The following HPR variants were observed in gnomAD, a reference collection of about 807,000 sequenced individuals.
HPR encodes Haptoglobin-related locus.
A neutral mutation model predicts 18.5 loss-of-function variants in HPR; 17 were observed. The observed-to-expected ratio is 0.92, with a 90% confidence interval of 0.63 to 1.38. HPR has a LOEUF of 1.38. Among genes scored for constraint, HPR ranks in the 40% most tolerant of loss-of-function variants. The pLI is 0.00. For synonymous variants in HPR, 176 were observed against 165.0 expected (o/e 1.07, Z -0.51); for missense variants, 457 against 432.4 (o/e 1.06, Z -0.51).
intron 1 of HPR, among the ~76,000 whole-genome samples, chr16:72,064,296 C>T (rs1458831090): frequency 1.3e-5 from 2 of 152,168 alleles, no homozygotes; most frequent in Non-Finnish European, 2.9e-5. Flanking sequence ...AATTCTTCTT[C>T]AAAAGTTTAG....
In HPR at chr16:72,075,852, A is replaced by G. The variant is rs1212662649; in HGVS notation, c.269-451A>G. Among the ~76,000 whole-genome samples, 6 of 140,830 alleles carry G rather than the reference A, an allele frequency of 4.3e-5. No individual in the cohort carries two copies. The Admixed American group carries it at 4.4e-4, about 10-fold the overall frequency. The allele number at this position is 140,830 out of a possible 152,430, so 92.4% of individuals were successfully genotyped here. A position where few individuals can be genotyped will look rare whatever the true frequency, so the allele number is the denominator to read the frequency against. ...TTCTTTCTTTTTTTTTTTTTTTGAG[A>G]CAGAGTTTTGCTCTCGTCGCCTAGG... On this transcript the variant is annotated intron_variant, in intron 4 of 4. Coordinates refer to ENST00000540303, the MANE Select transcript of HPR (RefSeq NM_020995.4).
Position 72,077,068 on chromosome 16 carries a change from T to C in HPR, c.1034T>C (p.Ile345Thr), listed in dbSNP as rs765146359. The C allele has an allele frequency of 1.2e-5, 19 of 1,611,970 alleles. No homozygotes were observed. Among genetic ancestry groups the C allele is most frequent in the Non-Finnish European group, 1.4e-5 (17 of 1,178,778 alleles). Residue 345 changes from isoleucine to threonine, a missense_variant, in exon 5 of 5, where the codon ATA (isoleucine) becomes ACA (threonine). Coordinates refer to ENST00000540303, the MANE Select transcript of HPR (RefSeq NM_020995.4). ...TSIQHWVQKT[I>T]AEN is the part of the protein sequence containing the mutation. Reference sequence around the variant, plus strand: ...ATCCAGCACTGGGTTCAGAAGACCATAGCTGAGAACTAATGCAAGGCTGGC... The same window carrying C: ...ATCCAGCACTGGGTTCAGAAGACCACAGCTGAGAACTAATGCAAGGCTGGC...
intron 4 of HPR, 54 bp downstream of exon 4, chr16:72,075,273 C>T (rs55658747): frequency 0.014 from 13,284 of 976,850 alleles, 135 homozygotes; most frequent in Middle Eastern, 0.02. Flanking sequence ...CAGCGGGGAA[C>T]GTCCTAGAGG....
intron 1 of HPR, among the ~76,000 whole-genome samples, chr16:72,066,410 T>C (rs1392080814): frequency 2.0e-5 from 3 of 152,198 alleles, no homozygotes; most frequent in South Asian, 4.1e-4. Flanking sequence ...AACACCCTCC[T>C]GGTCAAAACG....
chr16:72,074,417 C>T lies in HPR; in HGVS notation c.193+32C>T, dbSNP rs562923993. 2.6e-4 allele frequency: 390 copies of T among 1,511,212 alleles called. 4 individuals carry two copies. In the South Asian group the frequency reaches 4.0e-3, roughly 16 times the overall value. 93.6% of individuals were successfully genotyped at this position (1,511,212 alleles called of 1,614,324 possible). On this transcript the variant is annotated intron_variant, in intron 3 of 4. Coordinates refer to ENST00000540303, the MANE Select transcript of HPR (RefSeq NM_020995.4). ...CCTGGACAACTATCTCTGTGCTCTA[C>T]CTACAACCCCTGCTCTGACATTTCC...
intron 1 of HPR, among the ~76,000 whole-genome samples, chr16:72,071,597 G>A (rs1442002388): frequency 2.0e-5 from 3 of 152,148 alleles, no homozygotes; most frequent in Non-Finnish European, 4.4e-5. Flanking sequence ...AGAAAACTTG[G>A]TGTTCCTTGG....
chr16:72,073,096 T>C (rs1278822950), intron 1 of HPR, among the ~76,000 whole-genome samples: 1 of 152,178 alleles, frequency 6.6e-6, no homozygotes, highest in Admixed American at 6.5e-5. Context: ...CTTCCTGCCT[T>C]CCCAGCAGTG....
chr16:72,064,063 A>C (rs2041572068), intron 1 of HPR, among the ~76,000 whole-genome samples: 1 of 152,124 alleles, frequency 6.6e-6, no homozygotes, highest in Admixed American at 6.6e-5. Flanking sequence ...AATAGAAGCA[A>C]ATAGTGCCTG....
At position 72,076,914 on chromosome 16, in the gene HPR, T is replaced by C. The variant is rs1181342239; in HGVS notation, c.880T>C (p.Tyr294His). The C allele has an allele frequency of 5.6e-6, 9 of 1,614,224 alleles. No individual in the cohort carries two copies. The East Asian group carries it at 1.3e-4, about 24-fold the overall frequency. ...GMSKYQEDTC[Y>H]GDAGSAFAVH... ...GTCTAAGTACCAGGAAGACACCTGC[T>C]ATGGCGATGCGGGCAGTGCCTTTGC... Residue 294 changes from tyrosine to histidine, a missense_variant, in exon 5 of 5, where the codon TAT becomes CAT. By Grantham distance (83) the Tyr-to-His change is moderately conservative. Coordinates refer to ENST00000540303, the MANE Select transcript of HPR (RefSeq NM_020995.4).
intron 1 of HPR, among the ~76,000 whole-genome samples, chr16:72,069,745 C>A (rs1473420976): frequency 6.6e-6 from 1 of 152,150 alleles, no homozygotes; most frequent in Non-Finnish European, 1.5e-5. Context: ...AAGAAAACCG[C>A]CCCTTGGAGA....
chr16:72,063,517 T>G (rs1268187618), intron 1 of HPR, among the ~76,000 whole-genome samples: 1 of 152,132 alleles, frequency 6.6e-6, no homozygotes, highest in Non-Finnish European at 1.5e-5. Flanking sequence ...CTTTGTAGGG[T>G]ATGTCATCAG....
chr16:72,071,377 T>C (rs778005119), intron 1 of HPR, among the ~76,000 whole-genome samples: 7 of 152,168 alleles, frequency 4.6e-5, no homozygotes, highest in Admixed American at 1.3e-4. Context: ...GAGGCCCAGA[T>C]TGTCCCCTTT....
At chr16:72,069,595 C>A (rs977486453) in intron 1 of HPR, among the ~76,000 whole-genome samples, 2 of 152,124 alleles carry the variant, frequency 1.3e-5, no homozygotes, top group Non-Finnish European at 2.9e-5. Context: ...CTAGTCTCAA[C>A]TATATCTGAG....
At chr16:72,075,116 T>C (rs1190359208) in intron 3 of HPR, 29 bp from the exon 4 acceptor site, 1 of 810,892 alleles carries the variant, frequency 1.2e-6, no homozygotes, top group Non-Finnish European at 2.1e-6. Flanking sequence ...TGACTTTTCC[T>C]TTGGCTCATT....
chr16:72,074,010 C>T (rs2041687861), intron 2 of HPR, 33 bp downstream of exon 2: 6 of 1,613,052 alleles, frequency 3.7e-6, no homozygotes, highest in Non-Finnish European at 5.1e-6. Context: ...AGCATGCATC[C>T]CTGGCACTGC....
At chr16:72,074,834 A>G (rs1348580899) in intron 3 of HPR, 1 of 646,620 alleles carries the variant, frequency 1.5e-6, no homozygotes, top group Admixed American at 2.6e-5. Flanking sequence ...CGACAGGTTG[A>G]GTATCTTGCC....
At position 72,076,560 on chromosome 16, in the gene HPR, G is replaced by T; in HGVS notation, c.526G>T (p.Glu176Ter). The change falls in exon 5 of 5, where the codon GAG (glutamate) becomes TAG (stop). Residue 176 changes from glutamate to a stop codon, truncating the protein, a stop_gained. Transcript: ENST00000540303. LOFTEE classifies it low-confidence loss of function (END_TRUNC). ...YVGKKQLVEI[E>*]KVVLHPNYHQ... ...GGGGAAAAAGCAGCTTGTAGAGATTGAGAAGGTGGTTCTACACCCTAACTA... is the reference window on the plus strand; with the variant it reads ...GGGGAAAAAGCAGCTTGTAGAGATTTAGAAGGTGGTTCTACACCCTAACTA... 1 of 1,614,192 alleles carries T rather than the reference G, an allele frequency of 6.2e-7. No homozygotes were observed. The highest frequency in any genetic ancestry group is 8.5e-7 in the Non-Finnish European group (1 of 1,180,028).
At chr16:72,071,866 T>C (rs759352398) in intron 1 of HPR, among the ~76,000 whole-genome samples, 7 of 152,204 alleles carry the variant, frequency 4.6e-5, no homozygotes, top group Non-Finnish European at 1.0e-4. Flanking sequence ...CACATTTATA[T>C]AGATTCCACT....
chr16:72,076,220 C>G, intron 4 of HPR, 83 bp from the exon 5 acceptor site: 1 of 1,587,618 alleles, frequency 6.3e-7, no homozygotes, highest in Non-Finnish European at 8.6e-7. Context: ...GCAGCAGTGA[C>G]AGCCGCCAAT....
Sources: gnomAD v4.1 joint callset for allele counts (sites outside exome capture counted in the v4.1 genomes callset) on GRCh38, gnomAD v4.1.1 for gene constraint, MANE v1.5 for transcripts, NCBI Gene and HGNC (gene_info 2026-07-23, HGNC 2026-07-21) for gene names.